Variants in PHKA2 observed in about 807,000 individuals in gnomAD.
The protein encoded by PHKA2 is phosphorylase b kinase regulatory subunit alpha, liver isoform.
Under a neutral mutation model 102.0 loss-of-function variants are expected in PHKA2, and 31 were observed. The ratio of observed to expected loss-of-function variants is 0.30; its 90% confidence interval spans 0.23 to 0.41. The LOEUF is 0.41. Among genes scored for constraint, PHKA2 ranks in the 10% least tolerant of loss-of-function variants. The probability of loss-of-function intolerance (pLI) is 1.00; values close to 1 mark genes in which losing one functional copy is unlikely to be tolerated. For synonymous variants in PHKA2, 455 were observed against 416.2 expected, an observed-to-expected ratio of 1.09 and a Z score of -1.13; for missense variants, 858 against 1,023.1, an observed-to-expected ratio of 0.84 and a Z score of 2.20.
intron 26 of PHKA2, among the ~76,000 whole-genome samples, chrX:18,905,026 T>C: frequency 9.0e-6 from 1 of 111,539 alleles, no homozygotes; most frequent in Non-Finnish European, 1.9e-5. Context: ...AGCTCGAGCA[T>C]GCTGAGGTCA....
intron 1 of PHKA2, among the ~76,000 whole-genome samples, chrX:18,959,753 A>T (rs971054811): frequency 2.7e-5 from 3 of 111,488 alleles, no homozygotes; most frequent in African/African-American, 9.8e-5. Flanking sequence ...AGAGTCATGA[A>T]GGACAGGAAA....
At chrX:18,978,632 G>A (rs1221196156) in intron 1 of PHKA2, among the ~76,000 whole-genome samples, 2 of 111,047 alleles carry the variant, frequency 1.8e-5, no homozygotes, top group African/African-American at 6.6e-5. Context: ...AGAATCGCTT[G>A]AACCTGAGAG....
intron 12 of PHKA2, 152 bp from the exon 13 acceptor site, chrX:18,929,458 A>C: frequency 2.0e-6 from 1 of 492,842 alleles, no homozygotes; most frequent in Admixed American, 3.1e-5. Flanking sequence ...TCTGTGAAAC[A>C]GAGTAACATC....
chrX:18,962,097 A>G (rs1170921370), intron 1 of PHKA2, among the ~76,000 whole-genome samples: 1 of 112,124 alleles, frequency 8.9e-6, no homozygotes, highest in Admixed American at 9.5e-5. Flanking sequence ...AAAACAAAAA[A>G]CTAAAGTCTT....
chrX:18,946,814 C>G (rs1019735670), intron 5 of PHKA2, among the ~76,000 whole-genome samples: 2 of 105,245 alleles, frequency 1.9e-5, no homozygotes, highest in Non-Finnish European at 3.9e-5. Flanking sequence ...TTTCTTCAGA[C>G]CAGGGTTTGT....
At chrX:18,955,664 T>C (rs1337985998) in intron 1 of PHKA2, among the ~76,000 whole-genome samples, 2 of 111,736 alleles carry the variant, frequency 1.8e-5, no homozygotes, top group Non-Finnish European at 3.8e-5. Context: ...CTTAAAAAAA[T>C]TACATTACTG....
intron 4 of PHKA2, 41 bp from the exon 5 acceptor site, chrX:18,948,867 G>A (rs1230095473): frequency 1.1e-6 from 1 of 872,567 alleles, no homozygotes; most frequent in Non-Finnish European, 1.7e-6. Flanking sequence ...CCATGTTGCA[G>A]AGAGCTGCCA....
chrX:18,893,280 G>T lies in PHKA2; in HGVS notation c.*205C>A. 1 of 463,767 alleles carries T rather than the reference G, an allele frequency of 2.2e-6. No individual in the cohort carries two copies. Among genetic ancestry groups the T allele is most frequent in the Non-Finnish European group, 3.8e-6 (1 of 262,408 alleles). The allele number at this position is 463,767 out of a possible 1,213,427, so 38.2% of individuals were successfully genotyped here. A position where few individuals can be genotyped will look rare whatever the true frequency, so the allele number is the denominator to read the frequency against. Reference sequence around the variant, plus strand: ...AAAATGATCCCGGGGTGCTCCTTGCGGGGGAACACAGGACTCCTCAGCTCT... The same window carrying T: ...AAAATGATCCCGGGGTGCTCCTTGCTGGGGAACACAGGACTCCTCAGCTCT... On this transcript the variant is annotated 3_prime_UTR_variant, in exon 33 of 33. Coordinates refer to ENST00000379942, the MANE Select transcript of PHKA2 (RefSeq NM_000292.3).
At chrX:18,971,498 T>C (rs1389179358) in intron 1 of PHKA2, among the ~76,000 whole-genome samples, 1 of 112,240 alleles carries the variant, frequency 8.9e-6, no homozygotes, top group Admixed American at 9.5e-5. Flanking sequence ...GTTATTCTGG[T>C]ACTATGTTGC....
chrX:18,906,944 C>T, intron 23 of PHKA2, 74 bp downstream of exon 23: 1 of 1,030,419 alleles, frequency 9.7e-7, no homozygotes, highest in Non-Finnish European at 1.4e-6. Context: ...AAAGCCCCTC[C>T]TCCGAACACT....
chrX:18,939,915 T>C, intron 9 of PHKA2, 80 bp downstream of exon 9: 3 of 695,716 alleles, frequency 4.3e-6, no homozygotes, highest in Middle Eastern at 3.0e-4. Flanking sequence ...AAAATTATAA[T>C]CAGCAGAGGG....
At chrX:18,920,696 T>TG (rs1431403395) in intron 17 of PHKA2, among the ~76,000 whole-genome samples, 29 of 111,646 alleles carry the variant, frequency 2.6e-4, no homozygotes, top group Middle Eastern at 4.2e-3. Context: ...AGGAATTCAA[T>TG]GGGGAAGCCA....
intron 19 of PHKA2, among the ~76,000 whole-genome samples, chrX:18,914,503 T>C (rs933433364): frequency 2.7e-5 from 3 of 111,638 alleles, no homozygotes; most frequent in East Asian, 2.8e-4. Context: ...TATGTGCTTC[T>C]GGAACTGGGG....
In PHKA2 at chrX:18,906,775, C is replaced by T; in HGVS notation, c.2637G>A (p.Glu879=). The change falls in exon 24 of 33, where the codon GAG becomes GAA. Residue 879 remains glutamate (E), a synonymous_variant. Transcript: ENST00000379942. The part of the protein sequence containing the change: ...PPEELTKLIY[E]ASGQDISIAV... Reference sequence around the variant, plus strand: ...CAATGCTGATGTCCTGCCCACTGGCCTCGTAGATGAGTTTTGTGAGCTCCT... The same window carrying T: ...CAATGCTGATGTCCTGCCCACTGGCTTCGTAGATGAGTTTTGTGAGCTCCT... The T allele has an allele frequency of 8.3e-7, 1 of 1,211,505 alleles. No individual in the cohort carries two copies. The highest frequency in any genetic ancestry group is 1.1e-6 in the Non-Finnish European group (1 of 895,084).
intron 1 of PHKA2, among the ~76,000 whole-genome samples, chrX:18,965,923 A>G (rs1424125789): frequency 9.0e-6 from 1 of 110,720 alleles, no homozygotes; most frequent in Admixed American, 9.6e-5. Flanking sequence ...TTAACACATA[A>G]AGTAAGGAGA....
intron 1 of PHKA2, among the ~76,000 whole-genome samples, chrX:18,964,213 G>A (rs1023374801): frequency 5.4e-5 from 6 of 110,539 alleles, no homozygotes; most frequent in African/African-American, 1.6e-4. Context: ...TGGCACTTCC[G>A]GGCCTGTGCA....
At chrX:18,912,567 G>C (rs750604805) in intron 19 of PHKA2, among the ~76,000 whole-genome samples, 2 of 106,781 alleles carry the variant, frequency 1.9e-5, no homozygotes, top group East Asian at 5.9e-4. Flanking sequence ...AGGAGTTCAA[G>C]ACTGGCCTGG....
intron 8 of PHKA2, among the ~76,000 whole-genome samples, chrX:18,941,078 A>T (rs989584271): frequency 8.9e-6 from 1 of 112,273 alleles, no homozygotes; most frequent in African/African-American, 3.2e-5. Flanking sequence ...GGAGTATTTA[A>T]TATTCTCAGT....
At chrX:18,917,591 C>T (rs1011487191) in intron 19 of PHKA2, among the ~76,000 whole-genome samples, 8 of 111,742 alleles carry the variant, frequency 7.2e-5, no homozygotes, top group African/African-American at 2.6e-4. Flanking sequence ...GAATTCTATA[C>T]CCAGCCAAAC....
Sources: allele counts gnomAD v4.1 joint callset (sites outside exome capture counted in the v4.1 genomes callset), GRCh38; gene constraint gnomAD v4.1.1; transcripts MANE v1.5; gene names NCBI Gene and HGNC (gene_info 2026-07-23, HGNC 2026-07-21).